Variants in ADGRL3 observed in about 807,000 individuals in gnomAD.
The protein encoded by ADGRL3 is calcium-independent alpha-latrotoxin receptor 3.
ADGRL3 carries 62 observed loss-of-function variants against 153.5 expected under a neutral mutation model. That is an observed-to-expected ratio of 0.40 (90% CI 0.33 to 0.50). The LOEUF is 0.50. ADGRL3 is among the 20% of genes least tolerant of loss of function. The probability of loss-of-function intolerance (pLI) is 0.47; values close to 1 mark genes in which losing one functional copy is unlikely to be tolerated. For missense variants in ADGRL3, 1,641 were observed against 1,859.4 expected, an observed-to-expected ratio of 0.88 and a Z score of 2.16; for synonymous variants, 710 against 672.5, an observed-to-expected ratio of 1.06 and a Z score of -0.86.
intron 4 of ADGRL3, chr4:61,583,725 A>C (rs751993186): frequency 1.9e-6 from 1 of 518,374 alleles, no homozygotes; most frequent in Admixed American, 1.9e-5. Context: ...GCATCCTAGC[A>C]GAAGGTTTCC....
chr4:61,824,525 T>A (rs564540217), intron 9 of ADGRL3, among the ~76,000 whole-genome samples: 9 of 152,272 alleles, frequency 5.9e-5, no homozygotes, highest in African/African-American at 2.2e-4. Flanking sequence ...CAGAAAATAG[T>A]TTTATACCCG....
intron 1 of ADGRL3, among the ~76,000 whole-genome samples, chr4:61,381,702 A>G (rs1400718068): frequency 6.6e-6 from 1 of 152,052 alleles, no homozygotes; most frequent in Non-Finnish European, 1.5e-5. Flanking sequence ...TTGTTTAGAT[A>G]TGTAGAACAT....
At chr4:61,876,444 G>A (rs2098475630) in intron 9 of ADGRL3, among the ~76,000 whole-genome samples, 1 of 152,086 alleles carries the variant, frequency 6.6e-6, no homozygotes, top group African/African-American at 2.4e-5. Flanking sequence ...CCACTTTCCA[G>A]CAAGAATGAA....
chr4:61,777,310 G>C (rs994399440), intron 8 of ADGRL3, among the ~76,000 whole-genome samples: 2 of 151,668 alleles, frequency 1.3e-5, no homozygotes, highest in Non-Finnish European at 2.9e-5. Context: ...TCCAGCCTGG[G>C]CCATAGAGCC....
chr4:61,950,357 A>T lies in ADGRL3; in HGVS notation c.2805+2081A>T, dbSNP rs182778564. Among the ~76,000 whole-genome samples, 845 of 152,264 alleles carry T rather than the reference A, an allele frequency of 5.5e-3. 5 individuals are homozygous for T. Among genetic ancestry groups the T allele is most frequent in the Non-Finnish European group, 7.8e-3 (532 of 68,006 alleles). On this transcript the variant is annotated intron_variant, in intron 17 of 26. Transcript: ENST00000683033. ...GAATAAGTATAATAAAAGTCTGGAG[A>T]AGTTCTTAGAGATTTAAAAGCTGTA... is the stretch of plus-strand genomic sequence containing the variant.
At chr4:61,364,980 G>T (rs535940915) in intron 1 of ADGRL3, among the ~76,000 whole-genome samples, 8 of 152,104 alleles carry the variant, frequency 5.3e-5, no homozygotes, top group African/African-American at 1.7e-4. Flanking sequence ...TTAGCCTGAG[G>T]TTGAATTTCT....
intron 9 of ADGRL3, among the ~76,000 whole-genome samples, chr4:61,839,396 A>C (rs1389921941): frequency 6.6e-6 from 1 of 151,726 alleles, no homozygotes; most frequent in South Asian, 2.1e-4. Flanking sequence ...AGTTCTCACT[A>C]TGTTGCCTGT....
In ADGRL3 at chr4:61,433,005, T is replaced by A. The variant is rs547351229; in HGVS notation, c.-174+49816T>A. Reference sequence around the variant, plus strand: ...AAAACTGGCAATTCTAGATCAAAGATGCATAGAACAGAGAAATAAAATTAT... The same window carrying A: ...AAAACTGGCAATTCTAGATCAAAGAAGCATAGAACAGAGAAATAAAATTAT... On this transcript the variant is annotated intron_variant, in intron 2 of 26. Coordinates refer to ENST00000683033, the MANE Select transcript of ADGRL3 (RefSeq NM_001387552.1). 2.6e-5 allele frequency among the ~76,000 whole-genome samples: 4 copies of A among 152,198 alleles called. No homozygotes were observed. The East Asian group carries it at 7.7e-4, about 29-fold the overall frequency.
At chr4:61,763,176 C>A (rs1012870525) in intron 8 of ADGRL3, among the ~76,000 whole-genome samples, 1 of 150,678 alleles carries the variant, frequency 6.6e-6, no homozygotes, top group African/African-American at 2.5e-5. Context: ...TATTTTTAAC[C>A]GTTAGTAACA....
In ADGRL3 at chr4:61,398,752, G is replaced by A. The variant is rs369830537; in HGVS notation, c.-174+15563G>A. ...CAATATATTTTACTCCCTTGCCATA[G>A]TCTTGAAATAAGAACTGATATATTC... On this transcript the variant is annotated intron_variant, in intron 2 of 26. Transcript: ENST00000683033. 4.6e-5 allele frequency among the ~76,000 whole-genome samples: 7 copies of A among 151,144 alleles called. No homozygotes were observed. The East Asian group carries it at 7.8e-4, about 17-fold the overall frequency.
intron 6 of ADGRL3, among the ~76,000 whole-genome samples, chr4:61,714,888 C>A (rs1009890077): frequency 1.3e-5 from 2 of 152,042 alleles, no homozygotes; most frequent in African/African-American, 4.8e-5. Flanking sequence ...GTCTTGGGCT[C>A]AACTTTTTAG....
chr4:61,464,813 A>G (rs2097860589), intron 2 of ADGRL3, among the ~76,000 whole-genome samples: 1 of 152,212 alleles, frequency 6.6e-6, no homozygotes, highest in African/African-American at 2.4e-5. Flanking sequence ...GATGAAGCAC[A>G]TAAATTCATT....
Position 61,843,907 on chromosome 4 carries a change from A to G in ADGRL3, c.1480+30018A>G, listed in dbSNP as rs181560228. Among the ~76,000 whole-genome samples the G allele has an allele frequency of 1.8e-3, 271 of 151,942 alleles. 2 individuals carry two copies. The highest frequency in any genetic ancestry group is 6.4e-3 in the African/African-American group (265 of 41,458). ...GTAGTGTGTGTCTGTAGTTCCAGCT[A>G]CTTAGGAGGCTGAGGTGGGAGTATC... is the stretch of plus-strand genomic sequence containing the variant. On this transcript the variant is annotated intron_variant, in intron 9 of 26. Coordinates refer to ENST00000683033, the MANE Select transcript of ADGRL3 (RefSeq NM_001387552.1).
intron 1 of ADGRL3, among the ~76,000 whole-genome samples, chr4:61,276,389 A>C (rs765126537): frequency 2.0e-5 from 3 of 152,128 alleles, no homozygotes; most frequent in Non-Finnish European, 4.4e-5. Flanking sequence ...CATTTGTTAT[A>C]CATTTGCCTC....
chr4:62,065,321 T>A (rs1742425305), intron 25 of ADGRL3, among the ~76,000 whole-genome samples: 1 of 152,072 alleles, frequency 6.6e-6, no homozygotes, highest in South Asian at 2.1e-4. Flanking sequence ...TTACTCCACC[T>A]AAAGTGTCTC....
intron 17 of ADGRL3, among the ~76,000 whole-genome samples, chr4:61,970,447 C>A (rs2099022906): frequency 6.6e-6 from 1 of 152,084 alleles, no homozygotes; most frequent in South Asian, 2.1e-4. Flanking sequence ...AAATCTGGTA[C>A]AACAAATGTA....
At chr4:61,735,744 T>C (rs2096500080) in intron 8 of ADGRL3, among the ~76,000 whole-genome samples, 1 of 152,190 alleles carries the variant, frequency 6.6e-6, no homozygotes, top group African/African-American at 2.4e-5. Flanking sequence ...ATAATTCAAA[T>C]TTCATTTATT....
In ADGRL3 at chr4:61,509,586, A is replaced by G. The variant is rs560581455; in HGVS notation, c.56-7729A>G. On this transcript the variant is annotated intron_variant, in intron 3 of 26. Coordinates refer to ENST00000683033, the MANE Select transcript of ADGRL3 (RefSeq NM_001387552.1). ...AAAGGACCTGATTTCATTATTTTTT[A>G]TGGCTGCATAGTATTCTTCCATGCT... Among the ~76,000 whole-genome samples the G allele has an allele frequency of 3.3e-5, 5 of 151,840 alleles. No individual in the cohort carries two copies. In the South Asian group the frequency reaches 1.0e-3, roughly 32 times the overall value.
intron 5 of ADGRL3, among the ~76,000 whole-genome samples, chr4:61,621,548 A>G (rs1458540257): frequency 1.3e-5 from 2 of 152,118 alleles, no homozygotes; most frequent in Non-Finnish European, 2.9e-5. Flanking sequence ...TAGTGTTGGG[A>G]TATTATGTGT....
Sources: allele counts gnomAD v4.1 joint callset (sites outside exome capture counted in the v4.1 genomes callset), GRCh38; gene constraint gnomAD v4.1.1; transcripts MANE v1.5; gene names NCBI Gene and HGNC (gene_info 2026-07-23, HGNC 2026-07-21).